TTC17: variants seen among roughly 807,000 people sequenced by gnomAD.
TTC17 encodes the protein tetratricopeptide repeat domain 17.
In TTC17, 58 loss-of-function variants were observed where a neutral mutation model predicts 143.8. The ratio of observed to expected loss-of-function variants is 0.40; its 90% CI spans 0.33 to 0.50. The LOEUF (loss-of-function observed/expected upper bound fraction) is 0.50. TTC17 is among the 20% of genes least tolerant of loss of function. The pLI, the probability that TTC17 is intolerant of heterozygous loss-of-function variation, is 0.49. For synonymous variants in TTC17, 501 were observed against 497.8 expected (o/e 1.01, Z -0.09); for missense variants, 1,273 against 1,392.5 (o/e 0.91, Z 1.37).
chr11:43,364,510 C>T (rs1856251987), intron 1 of TTC17, among the ~76,000 whole-genome samples: 2 of 152,122 alleles, frequency 1.3e-5, no homozygotes, highest in South Asian at 4.1e-4. Flanking sequence ...TCATAAAGGA[C>T]TGTTTCTATG....
chr11:43,416,246 A>G (rs983529477), intron 16 of TTC17, among the ~76,000 whole-genome samples: 1 of 152,110 alleles, frequency 6.6e-6, no homozygotes, highest in Non-Finnish European at 1.5e-5. Flanking sequence ...ACCTAAGAAC[A>G]GCCTTATAAA....
At chr11:43,398,152 A>G (rs1250804508) in intron 8 of TTC17, 39 bp downstream of exon 8, 8 of 1,609,598 alleles carry the variant, frequency 5.0e-6, no homozygotes, top group East Asian at 4.5e-5. Context: ...CATTAGCACT[A>G]TCGAACCTTA....
intron 15 of TTC17, among the ~76,000 whole-genome samples, chr11:43,410,406 A>G (rs895259072): frequency 3.3e-5 from 5 of 152,036 alleles, no homozygotes; most frequent in East Asian, 1.9e-4. Flanking sequence ...TTTGTTTTCT[A>G]TGGCTTAATC....
intron 16 of TTC17, among the ~76,000 whole-genome samples, chr11:43,434,744 T>A (rs925936499): frequency 6.6e-6 from 1 of 152,216 alleles, no homozygotes; most frequent in Non-Finnish European, 1.5e-5. Context: ...CCAAGTTGTT[T>A]GTCGATTTCT....
At chr11:43,454,897 A>C (rs1947733730) in intron 21 of TTC17, among the ~76,000 whole-genome samples, 1 of 152,022 alleles carries the variant, frequency 6.6e-6, no homozygotes, top group Non-Finnish European at 1.5e-5. Context: ...AAGGATATAA[A>C]GACCTAAATA....
At chr11:43,478,607 T>C (rs2134855463) in intron 21 of TTC17, among the ~76,000 whole-genome samples, 1 of 152,180 alleles carries the variant, frequency 6.6e-6, no homozygotes, top group East Asian at 1.9e-4. Context: ...GTTTTATTTA[T>C]TTATTTATGT....
intron 19 of TTC17, chr11:43,448,988 A>G (rs571907597): frequency 6.6e-6 from 1 of 152,198 alleles, no homozygotes; most frequent in South Asian, 2.1e-4. Flanking sequence ...CTCCCTGAGT[A>G]TTTTTCAAAA....
intron 7 of TTC17, 26 bp downstream of exon 7, chr11:43,397,517 G>A: frequency 2.6e-6 from 4 of 1,523,428 alleles, no homozygotes; most frequent in Non-Finnish European, 2.6e-6. Flanking sequence ...TGTTTCATGA[G>A]TCATGCTAGT....
intron 21 of TTC17, among the ~76,000 whole-genome samples, chr11:43,471,810 T>A (rs982614692): frequency 1.3e-5 from 2 of 152,068 alleles, no homozygotes; most frequent in Non-Finnish European, 2.9e-5. Flanking sequence ...CATGTATAAT[T>A]AAAGGAAAAG....
In TTC17 at chr11:43,405,821, A is replaced by C. The variant is rs1320442214; in HGVS notation, c.1631A>C (p.Glu544Ala). The stretch of plus-strand genomic sequence containing the variant: ...CTCAGCAGTGATGATTATTCTACAG[A>C]AGAAGAGGCCCAAACCCCTGACTGT... Reference protein sequence around the residue: ...HELSSDDYSTEEEAQTPDCSI... With the variant: ...HELSSDDYSTAEEAQTPDCSI... The change falls in exon 13 of 24, where the codon GAA becomes GCA. Residue 544 changes from glutamate (E) to alanine (A), a missense_variant. By Grantham distance (107) the Glu-to-Ala change is moderately radical. Coordinates refer to ENST00000039989, the MANE Select transcript of TTC17 (RefSeq NM_018259.6). 2 of 1,614,018 alleles carry C rather than the reference A, an allele frequency of 1.2e-6. No homozygotes were observed.
At position 43,492,076 on chromosome 11, in the gene TTC17, C is replaced by T. The variant is rs200611245; in HGVS notation, c.3207C>T (p.Asp1069=). 193 of 1,614,014 alleles carry T rather than the reference C, an allele frequency of 1.2e-4. No individual in the cohort carries two copies. Among genetic ancestry groups the T allele is most frequent in the Non-Finnish European group, 1.5e-4 (178 of 1,179,998 alleles). The change falls in exon 23 of 24, where the codon GAC becomes GAT. Residue 1069 remains aspartate, a synonymous_variant. Coordinates refer to ENST00000039989, the MANE Select transcript of TTC17 (RefSeq NM_018259.6). ...TGCACAATGCCAAGCTCTGGAATGA[C>T]GCCGTCATAGTAGCCACCATGGCAG... The part of the protein sequence containing the change: ...NILHNAKLWN[D]AVIVATMAVE...
chr11:43,493,790 A>T lies in TTC17; in HGVS notation c.3312A>T (p.Ala1104=). The change falls in exon 24 of 24, where the codon GCA becomes GCT. Residue 1104 remains alanine (A), a synonymous_variant. Coordinates refer to ENST00000039989, the MANE Select transcript of TTC17 (RefSeq NM_018259.6). ...VYVAMEEFEK[A]LVWYESTLKL... is the part of the protein sequence containing the mutation. Reference sequence around the variant, plus strand: ...CCTCACAGGAAGAATTTGAAAAAGCACTGGTGTGGTATGAATCCACATTGA... The same window carrying T: ...CCTCACAGGAAGAATTTGAAAAAGCTCTGGTGTGGTATGAATCCACATTGA... 1 of 1,614,070 alleles carries T rather than the reference A, an allele frequency of 6.2e-7. No individual in the cohort carries two copies. The highest frequency in any genetic ancestry group is 8.5e-7 in the Non-Finnish European group (1 of 1,179,980).
intron 16 of TTC17, 29 bp downstream of exon 16, chr11:43,414,805 A>G (rs762991600): frequency 1.9e-6 from 3 of 1,601,558 alleles, no homozygotes; most frequent in Non-Finnish European, 2.6e-6. Context: ...CTGACAAACT[A>G]ATGAGCTCAG....
In TTC17 at chr11:43,408,930, A is replaced by G. The variant is rs193209257; in HGVS notation, c.2064+1353A>G. On this transcript the variant is annotated intron_variant, in intron 15 of 23. Coordinates refer to ENST00000039989, the MANE Select transcript of TTC17 (RefSeq NM_018259.6). ...CTGAATTTTGTATTTTTTTGTAGAG[A>G]TGGGGTTTCACCATGTTGCCAAGGC... Among the ~76,000 whole-genome samples the G allele has an allele frequency of 3.0e-4, 46 of 151,868 alleles. No homozygotes were observed. In the East Asian group the frequency reaches 7.6e-3, roughly 25 times the overall value.
At chr11:43,456,049 C>T (rs181619916) in intron 21 of TTC17, among the ~76,000 whole-genome samples, 3 of 152,032 alleles carry the variant, frequency 2.0e-5, no homozygotes, top group South Asian at 2.1e-4. Flanking sequence ...ATTTGGAAAC[C>T]GTTAATATCC....
At chr11:43,367,767 C>A (rs908946786) in intron 1 of TTC17, among the ~76,000 whole-genome samples, 1 of 149,866 alleles carries the variant, frequency 6.7e-6, no homozygotes, top group Non-Finnish European at 1.5e-5. Flanking sequence ...AGACAGACAC[C>A]CTAAAAGAGT....
At chr11:43,430,124 G>A (rs1947119746) in intron 16 of TTC17, among the ~76,000 whole-genome samples, 2 of 152,154 alleles carry the variant, frequency 1.3e-5, no homozygotes, top group Admixed American at 1.3e-4. Context: ...TTCGACTGAA[G>A]CAAGATTAAC....
At chr11:43,374,749 CA>C (rs77640352) in intron 1 of TTC17, among the ~76,000 whole-genome samples, 25,899 of 112,938 alleles carry the variant, frequency 0.23, 2,579 homozygotes, top group Non-Finnish European at 0.29. Context: ...TTAAAAAGAC[CA>C]AAAAAAAAAA....
chr11:43,486,897 A>ATGG (rs1193511850), intron 21 of TTC17, among the ~76,000 whole-genome samples: 1 of 151,922 alleles, frequency 6.6e-6, no homozygotes, highest in African/African-American at 2.4e-5. Context: ...TTAGCCAAGC[A>ATGG]TGGTGGTGCA....
Sources: allele counts gnomAD v4.1 joint callset (sites outside exome capture counted in the v4.1 genomes callset), GRCh38; gene constraint gnomAD v4.1.1; transcripts MANE v1.5; gene names NCBI Gene and HGNC (gene_info 2026-07-23, HGNC 2026-07-21).